The following OSBP2 variants were observed in gnomAD, a reference collection of about 807,000 sequenced individuals.
OSBP2 encodes the protein oxysterol binding protein 2.
In OSBP2, 66 loss-of-function variants were observed where a neutral mutation model predicts 96.0. That is an observed-to-expected ratio of 0.69 (90% confidence interval 0.56 to 0.84). The LOEUF (loss-of-function observed/expected upper bound fraction) is 0.84, where lower values mean the gene tolerates loss of function less well. Among genes scored for constraint, OSBP2 ranks in the 40% least tolerant of loss-of-function variants. OSBP2 has a pLI of 0.00. For missense variants in OSBP2, 1,038 were observed against 1,222.7 expected (o/e 0.85, Z 2.25); for synonymous variants, 525 against 520.9 (o/e 1.01, Z -0.11).
chr22:30,783,476 C>T (rs1228057444), intron 2 of OSBP2, among the ~76,000 whole-genome samples: 1 of 151,736 alleles, frequency 6.6e-6, no homozygotes, highest in Non-Finnish European at 1.5e-5. Flanking sequence ...TGTGTGCCAC[C>T]ATGGCCGGCT....
chr22:30,859,925 C>T (rs1259834198), intron 2 of OSBP2, among the ~76,000 whole-genome samples: 5 of 152,036 alleles, frequency 3.3e-5, no homozygotes, highest in African/African-American at 1.2e-4. Flanking sequence ...GGATGCCTGG[C>T]CGCCGCCCCC....
At chr22:30,791,625 C>T (rs2090677667) in intron 2 of OSBP2, among the ~76,000 whole-genome samples, 1 of 152,162 alleles carries the variant, frequency 6.6e-6, no homozygotes, top group Admixed American at 6.5e-5. Context: ...CCGTGCCCCG[C>T]TCATATTGGG....
intron 2 of OSBP2, among the ~76,000 whole-genome samples, chr22:30,771,401 G>C (rs965065947): frequency 9.2e-5 from 14 of 152,226 alleles, no homozygotes; most frequent in African/African-American, 2.7e-4. Context: ...GGGGCAACCT[G>C]GGGTGCTGGG....
chr22:30,845,510 A>T (rs1309182427), intron 2 of OSBP2, among the ~76,000 whole-genome samples: 1 of 152,016 alleles, frequency 6.6e-6, no homozygotes, highest in African/African-American at 2.4e-5. Flanking sequence ...TGAGCCTATG[A>T]TGTTGAAGAA....
chr22:30,810,897 C>T (rs576033420), intron 2 of OSBP2, among the ~76,000 whole-genome samples: 1 of 152,248 alleles, frequency 6.6e-6, no homozygotes, highest in Non-Finnish European at 1.5e-5. Flanking sequence ...GAGAGTCACT[C>T]GTAGGGCATC....
chr22:30,867,418 C>T (rs952865672), intron 2 of OSBP2, among the ~76,000 whole-genome samples: 11 of 152,202 alleles, frequency 7.2e-5, no homozygotes, highest in African/African-American at 1.4e-4. Context: ...TCGCCAACCC[C>T]GGGAGGAACC....
chr22:30,849,884 T>G (rs768169028), intron 2 of OSBP2, among the ~76,000 whole-genome samples: 75 of 152,240 alleles, frequency 4.9e-4, no homozygotes, highest in Non-Finnish European at 3.7e-4. Context: ...TGAATTAGTT[T>G]TTGTGTATGG....
chr22:30,891,017 T>C (rs775555986), intron 8 of OSBP2, 44 bp downstream of exon 8: 4 of 1,578,326 alleles, frequency 2.5e-6, no homozygotes, highest in African/African-American at 1.3e-5. Context: ...ACCCACACTC[T>C]GGCCAAGCTG....
At chr22:30,835,167 C>G (rs2038606417) in intron 2 of OSBP2, among the ~76,000 whole-genome samples, 2 of 152,048 alleles carry the variant, frequency 1.3e-5, no homozygotes, top group Admixed American at 6.6e-5. Context: ...TTTAATTTAT[C>G]TATTTTTTTT....
intron 2 of OSBP2, among the ~76,000 whole-genome samples, chr22:30,853,346 C>T (rs2413001): frequency 0.64 from 96,953 of 152,116 alleles, 32,587 homozygotes; most frequent in African/African-American, 0.86. Context: ...CTGACTCTTT[C>T]ATCATAATGA....
At chr22:30,897,761 C>T (rs1289973058) in intron 12 of OSBP2, among the ~76,000 whole-genome samples, 1 of 152,104 alleles carries the variant, frequency 6.6e-6, no homozygotes, top group Non-Finnish European at 1.5e-5. Flanking sequence ...ACCAGCCTGG[C>T]CAACATGGTG....
rs775855979 is a variant in OSBP2, at chr22:30,906,031, A to G, written c.2570A>G (p.Glu857Gly). The G allele has an allele frequency of 1.0e-4, 156 of 1,567,188 alleles. No individual in the cohort carries two copies. Among genetic ancestry groups the G allele is most frequent in the Non-Finnish European group, 1.3e-4 (154 of 1,157,880 alleles). ...CGCCTGTCGCGGCGCCGGCGGCTGG[A>G]GGCCTGCGGGCCGGGCAGCAGCTGC... Reference protein sequence around the residue: ...KQRLSRRRRLEACGPGSSCSS... With the variant: ...KQRLSRRRRLGACGPGSSCSS... Residue 857 changes from glutamate to glycine, a missense_variant, in exon 13 of 14, where the codon GAG becomes GGG. Transcript: ENST00000332585.
rs539152595 is a variant in OSBP2, at chr22:30,714,366, T to C, written c.644+18813T>C. On this transcript the variant is annotated intron_variant, in intron 1 of 13. Coordinates refer to ENST00000332585, the MANE Select transcript of OSBP2 (RefSeq NM_030758.4). The stretch of plus-strand genomic sequence containing the variant: ...ATTGTGAATAGTTCTACAATAAATA[T>C]GGAAGTGCAGATATCTCTTCAACAC... 3.0e-4 allele frequency among the ~76,000 whole-genome samples: 46 copies of C among 152,290 alleles called. 2 individuals carry two copies. Among genetic ancestry groups the C allele is most frequent in the Admixed American group, 2.9e-3 (44 of 15,280 alleles).
At chr22:30,736,686 C>T (rs1309968924) in intron 1 of OSBP2, among the ~76,000 whole-genome samples, 2 of 152,216 alleles carry the variant, frequency 1.3e-5, no homozygotes, top group African/African-American at 4.8e-5. Flanking sequence ...CACCAAAGTA[C>T]AATTCTCAAA....
At chr22:30,822,027 C>T (rs1046238060) in intron 2 of OSBP2, among the ~76,000 whole-genome samples, 1 of 152,210 alleles carries the variant, frequency 6.6e-6, no homozygotes. Flanking sequence ...CCCAGCTCCC[C>T]GGGGCCCTGC....
intron 12 of OSBP2, among the ~76,000 whole-genome samples, chr22:30,896,372 C>G (rs932578435): frequency 6.6e-6 from 1 of 151,960 alleles, no homozygotes; most frequent in Non-Finnish European, 1.5e-5. Context: ...AGAAAACATG[C>G]TCATAATAAT....
intron 3 of OSBP2, among the ~76,000 whole-genome samples, chr22:30,882,199 C>G (rs1024026928): frequency 3.9e-5 from 6 of 152,340 alleles, no homozygotes; most frequent in South Asian, 2.1e-4. Flanking sequence ...GAGGCTAGGG[C>G]TGGGCTCTGT....
Position 30,886,173 on chromosome 22 carries a change from A to ATTTT in OSBP2, c.1108-1252_1108-1249dup, listed in dbSNP as rs141108609. On this transcript the variant is annotated intron_variant, in intron 3 of 13. Coordinates refer to ENST00000332585, the MANE Select transcript of OSBP2 (RefSeq NM_030758.4). ...GTTGGGGCGCAGCTTGGTTTTATAT[A>ATTTT]TTTTAGGGAGGCATGAGGCAGCAAT... 8.8e-3 allele frequency among the ~76,000 whole-genome samples: 1,337 copies of ATTTT among 152,288 alleles called. 19 individuals are homozygous for ATTTT. The highest frequency in any genetic ancestry group is 0.031 in the African/African-American group (1,286 of 41,544).
At position 30,859,062 on chromosome 22, in the gene OSBP2, G is replaced by A. The variant is rs182706949; in HGVS notation, c.854-11367G>A. On this transcript the variant is annotated intron_variant, in intron 2 of 13. Coordinates refer to ENST00000332585, the MANE Select transcript of OSBP2 (RefSeq NM_030758.4). ...TCAGGGCCCCATGGTTCCTAGTGGC[G>A]GAACCCTTTCCCCGCCAGGGCCCTC... Among the ~76,000 whole-genome samples, 5 of 152,018 alleles carry A rather than the reference G, an allele frequency of 3.3e-5. No homozygotes were observed. In the East Asian group the frequency reaches 5.8e-4, roughly 18 times the overall value.
Sources: gnomAD v4.1 joint callset for allele counts (sites outside exome capture counted in the v4.1 genomes callset) on GRCh38, gnomAD v4.1.1 for gene constraint, MANE v1.5 for transcripts, NCBI Gene and HGNC (gene_info 2026-07-23, HGNC 2026-07-21) for gene names.